The following DEPTOR variants were observed in gnomAD, a reference collection of about 807,000 sequenced individuals.
DEPTOR encodes DEP domain containing MTOR interacting protein.
A neutral mutation model predicts 41.6 loss-of-function variants in DEPTOR; 41 were observed. That is an observed-to-expected ratio of 0.98 (90% CI 0.77 to 1.28). The LOEUF is 1.28. Ranked by LOEUF, DEPTOR falls within the 50% of genes most tolerant of loss-of-function variation. DEPTOR has a pLI of 0.00. For missense variants in DEPTOR, 514 were observed against 527.9 expected (o/e 0.97, Z 0.26); for synonymous variants, 195 against 192.3 (o/e 1.01, Z -0.12).
At chr8:119,983,050 T>TA (rs2130025438) in intron 4 of DEPTOR, among the ~76,000 whole-genome samples, 1 of 152,302 alleles carries the variant, frequency 6.6e-6, no homozygotes, top group East Asian at 1.9e-4. Flanking sequence ...TTATGAAACA[T>TA]ACGCTTTTAA....
chr8:120,002,033 C>T (rs2130082196), intron 5 of DEPTOR, among the ~76,000 whole-genome samples: 1 of 152,222 alleles, frequency 6.6e-6, no homozygotes, highest in East Asian at 1.9e-4. Context: ...ACTTGGGAGG[C>T]TGAGGTGGGA....
At chr8:119,987,648 G>A (rs983422451) in intron 4 of DEPTOR, among the ~76,000 whole-genome samples, 1 of 152,142 alleles carries the variant, frequency 6.6e-6, no homozygotes, top group African/African-American at 2.4e-5. Context: ...CCTTCCCCCA[G>A]GTGCTCTGTC....
At chr8:119,953,246 AT>A (rs1006468725) in intron 3 of DEPTOR, among the ~76,000 whole-genome samples, 26 of 152,302 alleles carry the variant, frequency 1.7e-4, no homozygotes, top group Admixed American at 7.2e-4. Context: ...GAAATTGTCC[AT>A]TTTTATGCTA....
chr8:120,013,291 A>C (rs1459854184), intron 8 of DEPTOR, among the ~76,000 whole-genome samples: 1 of 152,228 alleles, frequency 6.6e-6, no homozygotes, highest in Admixed American at 6.5e-5. Flanking sequence ...TTAAATTACA[A>C]TGATAGCAAA....
chr8:119,935,729 A>G (rs1014614719), intron 3 of DEPTOR, among the ~76,000 whole-genome samples: 1 of 151,932 alleles, frequency 6.6e-6, no homozygotes, highest in African/African-American at 2.4e-5. Context: ...TCAAAAAAAA[A>G]AAAAGAAAAG....
At chr8:119,978,045 A>T (rs1267540500) in intron 4 of DEPTOR, among the ~76,000 whole-genome samples, 1 of 152,004 alleles carries the variant, frequency 6.6e-6, no homozygotes, top group Admixed American at 6.6e-5. Flanking sequence ...TTGTATATAA[A>T]CTGCTTCTCG....
chr8:120,046,564 A>G (rs190591759), intron 8 of DEPTOR, among the ~76,000 whole-genome samples: 2 of 152,236 alleles, frequency 1.3e-5, no homozygotes, highest in Non-Finnish European at 2.9e-5. Flanking sequence ...ATTCCACTGT[A>G]TGGATATACT....
chr8:120,037,984 C>T (rs190524918), intron 8 of DEPTOR, among the ~76,000 whole-genome samples: 4 of 152,202 alleles, frequency 2.6e-5, no homozygotes, highest in Middle Eastern at 3.4e-3. Context: ...TTAAGAAATT[C>T]TGCTGGGCCC....
chr8:120,024,067 C>G (rs1406236916), intron 8 of DEPTOR, among the ~76,000 whole-genome samples: 1 of 152,102 alleles, frequency 6.6e-6, no homozygotes, highest in African/African-American at 2.4e-5. Context: ...AAAACCCTAT[C>G]TGTACTAAAA....
chr8:119,882,616 G>A (rs535312710), intron 1 of DEPTOR, among the ~76,000 whole-genome samples: 13 of 151,858 alleles, frequency 8.6e-5, no homozygotes, highest in African/African-American at 2.7e-4. Flanking sequence ...GCCATGTTGC[G>A]CAGGCTGATC....
intron 3 of DEPTOR, among the ~76,000 whole-genome samples, chr8:119,953,801 CTTTTTT>C (rs35043841): frequency 8.4e-6 from 1 of 119,678 alleles, no homozygotes; most frequent in African/African-American, 3.2e-5. Flanking sequence ...CAGATAGCTT[CTTTTTT>C]TTTTTTTTTT....
chr8:120,041,568 C>T (rs1438908266), intron 8 of DEPTOR, among the ~76,000 whole-genome samples: 9 of 152,198 alleles, frequency 5.9e-5, no homozygotes. Context: ...AATAGGGTCT[C>T]ACTCTGTTAC....
At chr8:119,968,515 G>A (rs1181511869) in intron 4 of DEPTOR, among the ~76,000 whole-genome samples, 1 of 151,998 alleles carries the variant, frequency 6.6e-6, no homozygotes, top group Admixed American at 6.6e-5. Flanking sequence ...TTGGCCAGGT[G>A]GGTCTTGAAC....
intron 3 of DEPTOR, among the ~76,000 whole-genome samples, chr8:119,944,847 G>C (rs559777350): frequency 1.3e-5 from 2 of 151,884 alleles, no homozygotes; most frequent in Non-Finnish European, 2.9e-5. Flanking sequence ...GTAGAGACAG[G>C]GTTTAACCAT....
At chr8:120,005,034 A>G (rs1180378901) in intron 6 of DEPTOR, among the ~76,000 whole-genome samples, 3 of 152,148 alleles carry the variant, frequency 2.0e-5, no homozygotes, top group African/African-American at 7.2e-5. Flanking sequence ...AAAAGAAAAA[A>G]GTTTTCCCTA....
intron 4 of DEPTOR, among the ~76,000 whole-genome samples, chr8:119,999,175 A>AGGAGAATCGCTTGAACC (rs1350381396): frequency 6.6e-6 from 1 of 151,896 alleles, no homozygotes; most frequent in Non-Finnish European, 1.5e-5. Flanking sequence ...AGCCTGAGGC[A>AGGAGAATCGCTTGAACC]GGAGAATCGC....
intron 1 of DEPTOR, among the ~76,000 whole-genome samples, chr8:119,876,597 C>T (rs1827233875): frequency 6.6e-6 from 1 of 151,254 alleles, no homozygotes; most frequent in African/African-American, 2.4e-5. Context: ...AAGACAGTGC[C>T]ACTGCACTCC....
chr8:120,001,324 T>C (rs1519816), intron 4 of DEPTOR, among the ~76,000 whole-genome samples: 23,086 of 152,074 alleles, frequency 0.15, 2,849 homozygotes, highest in African/African-American at 0.33. Flanking sequence ...CCCAGAGGAA[T>C]TGGTTAGCAA....
At chr8:120,023,171 A>G (rs1415630082) in intron 8 of DEPTOR, among the ~76,000 whole-genome samples, 5 of 152,146 alleles carry the variant, frequency 3.3e-5, no homozygotes, top group African/African-American at 4.8e-5. Context: ...ATCTTTTCTC[A>G]TTAGGCCACT....
Sources: gnomAD v4.1 joint callset for allele counts (sites outside exome capture counted in the v4.1 genomes callset) on GRCh38, gnomAD v4.1.1 for gene constraint, MANE v1.5 for transcripts, NCBI Gene and HGNC (gene_info 2026-07-23, HGNC 2026-07-21) for gene names.